IDO2: variants seen among roughly 807,000 people sequenced by gnomAD.
The protein encoded by IDO2 is indoleamine 2,3-dioxygenase-like 1 protein.
Under a neutral mutation model 45.1 loss-of-function variants are expected in IDO2, and 46 were observed. The observed-to-expected ratio is 1.02, with a 90% CI of 0.80 to 1.30. IDO2 has a LOEUF of 1.30. IDO2 is among the 50% of genes most tolerant of loss of function. The probability of loss-of-function intolerance (pLI) is 0.00; values close to 1 mark genes in which losing one functional copy is unlikely to be tolerated. For missense variants in IDO2, 544 were observed against 491.8 expected (o/e 1.11, Z -1.00); for synonymous variants, 218 against 184.9 (o/e 1.18, Z -1.45).
chr8:39,950,299 G>C lies in IDO2; in HGVS notation c.99+1035G>C, dbSNP rs185172782. 3.0e-4 allele frequency among the ~76,000 whole-genome samples: 45 copies of C among 152,300 alleles called. No homozygotes were observed. The East Asian group carries it at 8.7e-3, about 29-fold the overall frequency. The stretch of plus-strand genomic sequence containing the variant: ...AATCCCAGCACTTTTGGGAGGCCAA[G>C]GCAGGTGGATCACTTGAGGTTCAGG... On this transcript the variant is annotated intron_variant, in intron 2 of 10. Coordinates refer to ENST00000502986, the Ensembl canonical transcript of IDO2.
At chr8:39,944,903 T>C (rs62513112) in intron 1 of IDO2, among the ~76,000 whole-genome samples, 29,947 of 152,172 alleles carry the variant, frequency 0.2, 3,214 homozygotes, top group South Asian at 0.32. Flanking sequence ...TTCCAACTCG[T>C]TCAGGTACAA....
At chr8:39,937,935 A>G (rs1451579183) in intron 1 of IDO2, among the ~76,000 whole-genome samples, 1 of 152,222 alleles carries the variant, frequency 6.6e-6, no homozygotes, top group Non-Finnish European at 1.5e-5. Context: ...AGACCATGCA[A>G]ACAATCTTAT....
intron 1 of IDO2, among the ~76,000 whole-genome samples, chr8:39,948,069 C>T (rs991675078): frequency 6.6e-6 from 1 of 152,132 alleles, no homozygotes; most frequent in South Asian, 2.1e-4. Flanking sequence ...TCCAAAGTGG[C>T]GTGAGCCACT....
intron 2 of IDO2, among the ~76,000 whole-genome samples, chr8:39,958,268 C>T (rs1448604133): frequency 6.6e-6 from 1 of 152,132 alleles, no homozygotes; most frequent in Admixed American, 6.5e-5. Flanking sequence ...GTGGCTTGAT[C>T]TCAGCTCACT....
chr8:39,986,383 C>G (rs1808423037), intron 6 of IDO2: 1 of 152,118 alleles, frequency 6.6e-6, no homozygotes, highest in Non-Finnish European at 1.5e-5. Context: ...ATAAGAGTGT[C>G]CAGTAGAAAA....
intron 9 of IDO2, among the ~76,000 whole-genome samples, chr8:40,007,400 G>A (rs892432189): frequency 6.6e-5 from 10 of 152,060 alleles, no homozygotes; most frequent in African/African-American, 1.9e-4. Flanking sequence ...CTTGTAGAGG[G>A]TACAGAGTGG....
chr8:39,942,425 C>T (rs1249537499), intron 1 of IDO2, among the ~76,000 whole-genome samples: 1 of 152,268 alleles, frequency 6.6e-6, no homozygotes, highest in Middle Eastern at 3.4e-3. Flanking sequence ...AGGCAGATCA[C>T]CAGAGGTCAG....
intron 9 of IDO2, among the ~76,000 whole-genome samples, chr8:40,010,436 A>G (rs1163495266): frequency 1.3e-5 from 2 of 152,186 alleles, no homozygotes; most frequent in African/African-American, 4.8e-5. Context: ...GATGGACAAC[A>G]CGGACACGTT....
rs147276097 is a variant in IDO2 at position 40,014,567 on chromosome 8, A to G, written c.869-680A>G. 4.6e-3 allele frequency among the ~76,000 whole-genome samples: 702 copies of G among 152,320 alleles called. 18 individuals are homozygous for G. Among genetic ancestry groups the G allele is most frequent in the Non-Finnish European group, 1.8e-3 (123 of 68,030 alleles). On this transcript the variant is annotated intron_variant, in intron 10 of 10. Coordinates refer to ENST00000502986, the Ensembl canonical transcript of IDO2. ...CTGAGAAAACAAAATTCACCAGAGT[A>G]TTCAGCTAGTCAGTTCAAGGGTTTG...
At chr8:39,968,658 A>G (rs1338441744) in intron 3 of IDO2, among the ~76,000 whole-genome samples, 1 of 152,092 alleles carries the variant, frequency 6.6e-6, no homozygotes, top group Non-Finnish European at 1.5e-5. Context: ...GGAGTTGAAC[A>G]ATGAGAACAC....
At chr8:40,015,216 C>T (rs373073789) in intron 10 of IDO2, 31 bp from the exon 11 acceptor site, 1 of 1,228,776 alleles carries the variant, frequency 8.1e-7, no homozygotes, top group Non-Finnish European at 1.2e-6. Context: ...CCATGTGGAG[C>T]TATGACGTTA....
At chr8:39,934,839 T>C (rs927040651) in exon 1 of IDO2, 5 of 358,366 alleles carry the variant, frequency 1.4e-5, no homozygotes, top group East Asian at 1.5e-4. Context: ...CCTGGAAATA[T>C]TGTGACTTTG....
At chr8:39,955,297 T>A (rs1807877052) in intron 2 of IDO2, among the ~76,000 whole-genome samples, 1 of 142,096 alleles carries the variant, frequency 7.0e-6, no homozygotes. Flanking sequence ...TCTTGTTGCC[T>A]AGGCTGGAGT....
intron 8 of IDO2, chr8:39,997,802 T>G (rs902166971): frequency 6.5e-6 from 1 of 153,816 alleles, no homozygotes; most frequent in African/African-American, 2.4e-5. Context: ...CTTCTGATAT[T>G]TCTATTCCAG....
intron 2 of IDO2, among the ~76,000 whole-genome samples, chr8:39,960,072 C>T (rs1807969006): frequency 1.3e-5 from 2 of 152,154 alleles, no homozygotes; most frequent in Non-Finnish European, 2.9e-5. Flanking sequence ...GTCTCAGATC[C>T]TCAGGGACTG....
chr8:39,981,163 G>A (rs1244542811), intron 4 of IDO2, among the ~76,000 whole-genome samples: 2 of 151,034 alleles, frequency 1.3e-5, no homozygotes, highest in South Asian at 2.1e-4. Flanking sequence ...CCAGGTTCAC[G>A]CCAGTCTCCT....
chr8:39,935,287 G>T, intron 1 of IDO2, 69 bp downstream of exon 1: 8 of 1,268,474 alleles, frequency 6.3e-6, no homozygotes, highest in South Asian at 1.3e-5. Flanking sequence ...GACAATTTGG[G>T]GCTAGCAACT....
intron 6 of IDO2, chr8:39,985,833 G>A (rs1808414233): frequency 3.8e-6 from 1 of 261,666 alleles, no homozygotes. Flanking sequence ...ACTCCTTGAA[G>A]TTTAATTTTT....
chr8:39,979,936 C>G (rs1808317806), intron 4 of IDO2, among the ~76,000 whole-genome samples: 1 of 152,218 alleles, frequency 6.6e-6, no homozygotes, highest in Non-Finnish European at 1.5e-5. Flanking sequence ...ACCCTCCCAC[C>G]TCAGCCTCCT....
Sources: gnomAD v4.1 joint callset for allele counts (sites outside exome capture counted in the v4.1 genomes callset) on GRCh38, gnomAD v4.1.1 for gene constraint, MANE v1.5 for transcripts, NCBI Gene and HGNC (gene_info 2026-07-23, HGNC 2026-07-21) for gene names.